PDE10A: variants seen among roughly 807,000 people sequenced by gnomAD.
The protein encoded by PDE10A is phosphodiesterase 10A, also known as cAMP and cAMP-inhibited cGMP 3',5'-cyclic phosphodiesterase 10A.
In PDE10A, 39 loss-of-function variants were observed where a neutral mutation model predicts 97.7. The observed-to-expected ratio is 0.40, with a 90% CI of 0.31 to 0.52. The LOEUF is 0.52. Ranked by LOEUF, PDE10A falls within the 20% of genes least tolerant of loss-of-function variation. The probability of loss-of-function intolerance (pLI) is 0.56; values close to 1 mark genes in which losing one functional copy is unlikely to be tolerated. For missense variants in PDE10A, 731 were observed against 1,047.8 expected (o/e 0.70, Z 4.17); for synonymous variants, 371 against 376.8 (o/e 0.98, Z 0.18).
chr6:165,859,350 C>A (rs1299367344), intron 1 of PDE10A, among the ~76,000 whole-genome samples: 1 of 152,222 alleles, frequency 6.6e-6, no homozygotes, highest in East Asian at 1.9e-4. Context: ...TACATTCACA[C>A]TGGTGTTGTG....
At chr6:165,530,630 T>C (rs1306088778) in intron 2 of PDE10A, among the ~76,000 whole-genome samples, 1 of 151,936 alleles carries the variant, frequency 6.6e-6, no homozygotes, top group East Asian at 1.9e-4. Flanking sequence ...GAATCTAAAA[T>C]AAAAGTTAAA....
intron 2 of PDE10A, among the ~76,000 whole-genome samples, chr6:165,537,241 A>C (rs2128318881): frequency 6.6e-6 from 1 of 152,176 alleles, no homozygotes; most frequent in Non-Finnish European, 1.5e-5. Context: ...AAGGGATCTC[A>C]CGAAGGAAGA....
intron 1 of PDE10A, among the ~76,000 whole-genome samples, chr6:165,590,946 T>C (rs60078117): frequency 0.019 from 2,891 of 152,226 alleles, 92 homozygotes; most frequent in African/African-American, 0.065. Context: ...CATGATGACA[T>C]CATAGATATG....
chr6:165,842,998 C>T (rs1780302571), intron 1 of PDE10A, among the ~76,000 whole-genome samples: 1 of 152,216 alleles, frequency 6.6e-6, no homozygotes, highest in South Asian at 2.1e-4. Flanking sequence ...AAATTAAGAT[C>T]TGACACACAA....
chr6:165,635,942 A>G (rs2983513), intron 1 of PDE10A, among the ~76,000 whole-genome samples: 150,705 of 152,360 alleles, frequency 0.99, 74,553 homozygotes, highest in South Asian at 1. Flanking sequence ...GCAGTGTTTC[A>G]AAGAATAACA....
chr6:165,592,253 A>G (rs1444889757), intron 1 of PDE10A, among the ~76,000 whole-genome samples: 1 of 152,280 alleles, frequency 6.6e-6, no homozygotes, highest in Non-Finnish European at 1.5e-5. Context: ...CTGGCTAGCC[A>G]TATGCAGAAA....
At chr6:165,897,679 G>T (rs1475815696) in intron 1 of PDE10A, among the ~76,000 whole-genome samples, 20 of 150,552 alleles carry the variant, frequency 1.3e-4, no homozygotes, top group African/African-American at 4.9e-4. Flanking sequence ...GCCCTGGAGT[G>T]ACCTGTTCAT....
Position 165,661,658 on chromosome 6 carries a change from G to A in PDE10A, c.865+289C>T. 2 of 398,082 alleles carry A rather than the reference G, an allele frequency of 5.0e-6. No homozygotes were observed. The highest frequency in any genetic ancestry group is 8.9e-6 in the Non-Finnish European group (2 of 225,534). The allele number at this position is 398,082 out of a possible 1,614,324, so 24.7% of individuals were successfully genotyped here. A position where few individuals can be genotyped will look rare whatever the true frequency, so the allele number is the denominator to read the frequency against. ...CGGCACGAGGGGCGGAGAAGGAGGC[G>A]GCAGGTCCCGCTCGCAACGTCCAAG... On this transcript the variant is annotated intron_variant, in intron 1 of 21. Transcript: ENST00000539869. The surrounding 1 kb of genome is among the most constrained non-coding windows in gnomAD (Gnocchi z 4.8).
intron 1 of PDE10A, among the ~76,000 whole-genome samples, chr6:165,868,666 C>A (rs1781118850): frequency 1.3e-5 from 2 of 152,002 alleles, no homozygotes; most frequent in Admixed American, 1.3e-4. Flanking sequence ...TTCCATGAAG[C>A]CAGCATTACC....
At chr6:165,939,172 T>A (rs537781730) in intron 1 of PDE10A, among the ~76,000 whole-genome samples, 42 of 152,324 alleles carry the variant, frequency 2.8e-4, no homozygotes, top group African/African-American at 1.0e-3. Context: ...AGACAAACCA[T>A]AACCCAAAAG....
At chr6:165,401,741 G>A (rs1786681464) in intron 13 of PDE10A, among the ~76,000 whole-genome samples, 1 of 152,204 alleles carries the variant, frequency 6.6e-6, no homozygotes, top group African/African-American at 2.4e-5. Context: ...AGAGGAGACT[G>A]CTTCCTGGAC....
chr6:165,428,341 G>GA (rs902042783), intron 10 of PDE10A, among the ~76,000 whole-genome samples: 19 of 152,034 alleles, frequency 1.2e-4, no homozygotes, highest in East Asian at 3.9e-4. Context: ...TGAAGATCAG[G>GA]AAAAAATCAA....
In PDE10A at chr6:165,725,894, T is replaced by C. The variant is rs756334079; in HGVS notation, c.-614-182326A>G. Among the ~76,000 whole-genome samples, 14 of 152,252 alleles carry C rather than the reference T, an allele frequency of 9.2e-5. 1 individual carries two copies. The highest frequency in any genetic ancestry group is 1.9e-4 in the Non-Finnish European group (13 of 68,024). ...TTCAATGTGGCAGTTTCTTTATGTA[T>C]CAGGTGAAGGAGCCTGCTGTGAGCT... is the stretch of plus-strand genomic sequence containing the variant. On this transcript the variant is annotated intron_variant, in intron 1 of 19. Coordinates refer to the PDE10A transcript ENST00000366882.
intron 1 of PDE10A, among the ~76,000 whole-genome samples, chr6:165,954,199 A>G (rs1170282689): frequency 6.6e-6 from 1 of 152,264 alleles, no homozygotes; most frequent in East Asian, 1.9e-4. Flanking sequence ...TTATAAATAA[A>G]GCTGCTATAA....
intron 1 of PDE10A, among the ~76,000 whole-genome samples, chr6:165,968,834 G>T (rs1784590356): frequency 6.6e-6 from 1 of 152,230 alleles, no homozygotes; most frequent in South Asian, 2.1e-4. Context: ...AGAGAAGGCA[G>T]AAGGCAGAGC....
chr6:165,377,304 T>C (rs1784666472), intron 18 of PDE10A, among the ~76,000 whole-genome samples: 2 of 151,954 alleles, frequency 1.3e-5, no homozygotes, highest in Non-Finnish European at 2.9e-5. Context: ...CATAGAAAAA[T>C]GCCTAAGATG....
chr6:165,811,947 G>A (rs571298025), intron 1 of PDE10A, among the ~76,000 whole-genome samples: 71 of 152,148 alleles, frequency 4.7e-4, no homozygotes, highest in African/African-American at 1.6e-3. Context: ...TCTGCTTCCC[G>A]GATTCAAGCA....
intron 1 of PDE10A, among the ~76,000 whole-genome samples, chr6:165,761,797 T>A (rs1271446708): frequency 6.6e-6 from 1 of 152,036 alleles, no homozygotes; most frequent in Admixed American, 6.5e-5. Context: ...TGATGTAAAA[T>A]AATAATATTA....
chr6:165,457,089 A>T (rs1777996950), intron 3 of PDE10A, among the ~76,000 whole-genome samples: 1 of 152,204 alleles, frequency 6.6e-6, no homozygotes, highest in Non-Finnish European at 1.5e-5. Flanking sequence ...CAAATCACAT[A>T]CTTGTAAGAC....
Sources: allele counts gnomAD v4.1 joint callset (sites outside exome capture counted in the v4.1 genomes callset), GRCh38; gene constraint gnomAD v4.1.1; non-coding constraint Gnocchi (gnomAD v3.1); transcripts MANE v1.5; gene names NCBI Gene and HGNC (gene_info 2026-07-23, HGNC 2026-07-21).